Variants in VPS33A observed in about 807,000 individuals in gnomAD.
VPS33A encodes the protein VPS33A core subunit of CORVET and HOPS complexes, also known as vacuolar protein sorting-associated protein 33A.
VPS33A carries 32 observed loss-of-function variants against 71.8 expected under a neutral mutation model. The ratio of observed to expected loss-of-function variants is 0.45; its 90% CI spans 0.34 to 0.60. The LOEUF is 0.60. VPS33A is among the 20% of genes least tolerant of loss of function. VPS33A has a pLI of 0.02. For missense variants in VPS33A, 625 were observed against 748.5 expected, an observed-to-expected ratio of 0.84 and a Z score of 1.92; for synonymous variants, 311 against 292.7, an observed-to-expected ratio of 1.06 and a Z score of -0.64.
At chr12:122,257,360 G>A (rs1338864296) in intron 4 of VPS33A, among the ~76,000 whole-genome samples, 2 of 149,746 alleles carry the variant, frequency 1.3e-5, no homozygotes, top group African/African-American at 5.0e-5. Context: ...CCAGAAGGCG[G>A]AGGTTGCAGT....
At chr12:122,239,839 T>C in intron 9 of VPS33A, 39 bp downstream of exon 9, 1 of 1,483,310 alleles carries the variant, frequency 6.7e-7, no homozygotes, top group East Asian at 2.4e-5. Flanking sequence ...TTTAATAAGC[T>C]TTCAATTACT....
intron 8 of VPS33A, among the ~76,000 whole-genome samples, 153 bp downstream of exon 8, chr12:122,242,229 C>T (rs1046084271): frequency 6.6e-6 from 1 of 152,028 alleles, no homozygotes; most frequent in African/African-American, 2.4e-5. Context: ...TAACTATTAA[C>T]ATATGTATAC....
In VPS33A at chr12:122,244,773, G is replaced by A; in HGVS notation, c.776-11C>T. ...GTAATTTCACATAACCTGAGCAGCA[G>A]TGGAAGGGAATAAGCACCTGTGTGC... On this transcript the variant is annotated splice_polypyrimidine_tract_variant and intron_variant, in intron 6 of 12. Transcript: ENST00000267199. 3 of 1,606,406 alleles carry A rather than the reference G, an allele frequency of 1.9e-6. No individual in the cohort carries two copies. The highest frequency in any genetic ancestry group is 2.6e-6 in the Non-Finnish European group (3 of 1,174,120).
intron 7 of VPS33A, 58 bp downstream of exon 7, chr12:122,244,509 CAG>C: frequency 6.8e-7 from 1 of 1,460,638 alleles, no homozygotes; most frequent in Non-Finnish European, 9.2e-7. Context: ...TTATTCCCCT[CAG>C]GGGTGGGCAT....
At chr12:122,264,657 G>A (rs1297272862) in intron 1 of VPS33A, 1 of 152,364 alleles carries the variant, frequency 6.6e-6, no homozygotes, top group South Asian at 2.1e-4. Context: ...TTCCAAAGTG[G>A]TGGGATTACA....
intron 4 of VPS33A, among the ~76,000 whole-genome samples, chr12:122,258,130 C>T (rs913946024): frequency 1.3e-5 from 2 of 152,024 alleles, no homozygotes; most frequent in Admixed American, 6.5e-5. Context: ...TGGGTCACAC[C>T]TGTAATCCCA....
intron 3 of VPS33A, 141 bp downstream of exon 3, chr12:122,263,431 A>T: frequency 9.9e-7 from 1 of 1,013,396 alleles, no homozygotes; most frequent in Non-Finnish European, 1.4e-6. Context: ...CTTCTCTTTT[A>T]TATTCTTCCA....
chr12:122,242,565 T>C, intron 7 of VPS33A, 57 bp from the exon 8 acceptor site: 1 of 1,541,722 alleles, frequency 6.5e-7, no homozygotes, highest in South Asian at 1.2e-5. Context: ...TTTATTTTAT[T>C]TTTTTGAGAA....
At chr12:122,235,679 A>G (rs1954620644) in intron 11 of VPS33A, 107 bp downstream of exon 11, 2 of 1,413,144 alleles carry the variant, frequency 1.4e-6, no homozygotes, top group Admixed American at 2.5e-5. Context: ...ACATTAGAAA[A>G]TTGTTTTCAG....
At chr12:122,238,847 T>A (rs1465419772) in intron 9 of VPS33A, 123 bp from the exon 10 acceptor site, 1 of 1,115,718 alleles carries the variant, frequency 9.0e-7, no homozygotes, top group Non-Finnish European at 1.3e-6. Context: ...TTATTATTAT[T>A]TTTCAAAGTC....
At chr12:122,263,763 C>G in intron 2 of VPS33A, 64 bp from the exon 3 acceptor site, 1 of 1,489,928 alleles carries the variant, frequency 6.7e-7, no homozygotes, top group Non-Finnish European at 9.0e-7. Context: ...TTTTCAGACT[C>G]AGAAATCATA....
At chr12:122,239,114 A>C (rs951747624) in intron 9 of VPS33A, among the ~76,000 whole-genome samples, 2 of 152,184 alleles carry the variant, frequency 1.3e-5, no homozygotes, top group Non-Finnish European at 2.9e-5. Context: ...TCTGTCTCTA[A>C]GGACACGCTT....
Position 122,239,897 on chromosome 12 carries a change from G to C in VPS33A, c.1145C>G (p.Ser382Cys), listed in dbSNP as rs758788892. ...ACATACCTTATCAGTGTCTATTCCA[G>C]ACATAAACTCCTGTTCCACGGTTAA... ...DKLTVEQEFM[S>C]GIDTDKVNNY... The change falls in exon 9 of 13, where the codon TCT becomes TGT. Residue 382 changes from serine to cysteine, a missense_variant. By Grantham distance (112) the Ser-to-Cys change is moderately radical (BLOSUM62 -1). Transcript: ENST00000267199. 1.9e-6 allele frequency: 3 copies of C among 1,612,746 alleles called. No homozygotes were observed. Among genetic ancestry groups the C allele is most frequent in the East Asian group, 4.5e-5 (2 of 44,794 alleles).
chr12:122,241,424 T>A (rs1954713156), intron 8 of VPS33A, among the ~76,000 whole-genome samples: 1 of 151,584 alleles, frequency 6.6e-6, no homozygotes. Context: ...CCTGCCTCAG[T>A]CTCCTGAGTA....
chr12:122,241,299 CTCTTTT>C (rs1263600140), intron 8 of VPS33A, among the ~76,000 whole-genome samples: 8 of 152,018 alleles, frequency 5.3e-5, no homozygotes, highest in South Asian at 4.1e-4. Flanking sequence ...TCCTCTCTTT[CTCTTTT>C]TCTTTCTTTC....
intron 4 of VPS33A, among the ~76,000 whole-genome samples, chr12:122,255,707 CAAAAA>C (rs71082953): frequency 5.6e-5 from 2 of 35,488 alleles, no homozygotes; most frequent in Non-Finnish European, 9.8e-5. Flanking sequence ...GACTCCGTCT[CAAAAA>C]AAAAAAAAAA....
At chr12:122,245,892 A>G (rs1389248208) in intron 6 of VPS33A, among the ~76,000 whole-genome samples, 1 of 152,198 alleles carries the variant, frequency 6.6e-6, no homozygotes, top group Non-Finnish European at 1.5e-5. Context: ...AAAGCCTAAA[A>G]TACTTACTAT....
At chr12:122,263,797 T>G in intron 2 of VPS33A, 98 bp from the exon 3 acceptor site, 18 of 1,313,488 alleles carry the variant, frequency 1.4e-5, no homozygotes, top group Non-Finnish European at 1.6e-5. Context: ...AAGTGCACAT[T>G]AATATTTTAA....
intron 9 of VPS33A, among the ~76,000 whole-genome samples, chr12:122,238,979 A>C (rs1282546339): frequency 5.0e-5 from 7 of 141,026 alleles, no homozygotes; most frequent in Admixed American, 1.4e-4. Flanking sequence ...CACACACCCC[A>C]CACACACATA....
Sources: gnomAD v4.1 joint callset for allele counts (sites outside exome capture counted in the v4.1 genomes callset) on GRCh38, gnomAD v4.1.1 for gene constraint, MANE v1.5 for transcripts, NCBI Gene and HGNC (gene_info 2026-07-23, HGNC 2026-07-21) for gene names.